Variants in SPAG9 observed in about 807,000 individuals in gnomAD.
SPAG9 encodes the protein C-Jun-amino-terminal kinase-interacting protein 4.
Under a neutral mutation model 166.5 loss-of-function variants are expected in SPAG9, and 35 were observed. The observed-to-expected ratio is 0.21, with a 90% confidence interval of 0.16 to 0.28. The LOEUF (loss-of-function observed/expected upper bound fraction) is 0.28. Among genes scored for constraint, SPAG9 ranks in the 10% least tolerant of loss-of-function variants. The probability of loss-of-function intolerance (pLI) is 1.00; values close to 1 mark genes in which losing one functional copy is unlikely to be tolerated. For missense variants in SPAG9, 1,235 were observed against 1,603.3 expected (o/e 0.77, Z 3.92); for synonymous variants, 534 against 565.5 (o/e 0.94, Z 0.79).
At chr17:51,079,027 CTGAGATCTAAAT>C (rs2048091732) in intron 2 of SPAG9, among the ~76,000 whole-genome samples, 1 of 152,096 alleles carries the variant, frequency 6.6e-6, no homozygotes, top group South Asian at 2.1e-4. Flanking sequence ...CAAACAAAGG[CTGAGATCTAAAT>C]TGAAGTGAGT....
rs1423005866 is a variant in SPAG9, at chr17:50,970,864, A to G, written c.3701-8T>C. The G allele has an allele frequency of 6.2e-7, 1 of 1,611,824 alleles. No homozygotes were observed. The highest frequency in any genetic ancestry group is 2.2e-5 in the East Asian group (1 of 44,868). ...GTGGGCTGATGACTTGACCTGTTTT[A>G]TACAGAAACAAAAGTGAATATTACT... On this transcript the variant is annotated splice_region_variant and splice_polypyrimidine_tract_variant and intron_variant, in intron 28 of 29. Coordinates refer to ENST00000262013, the MANE Select transcript of SPAG9 (RefSeq NM_001130528.3).
chr17:50,992,279 A>G (rs1331777339), intron 19 of SPAG9, among the ~76,000 whole-genome samples: 1 of 152,130 alleles, frequency 6.6e-6, no homozygotes, highest in African/African-American at 2.4e-5. Context: ...GGAATCATAT[A>G]ATATTTGTCC....
intron 2 of SPAG9, among the ~76,000 whole-genome samples, chr17:51,057,160 C>G (rs951715194): frequency 6.6e-6 from 1 of 152,068 alleles, no homozygotes; most frequent in African/African-American, 2.4e-5. Context: ...GTACTCAAGA[C>G]AGATGGTAAT....
intron 9 of SPAG9, among the ~76,000 whole-genome samples, chr17:51,012,261 T>C (rs1304122592): frequency 6.6e-6 from 1 of 152,086 alleles, no homozygotes; most frequent in Non-Finnish European, 1.5e-5. Context: ...AATATAAAAA[T>C]GGAGTATTCC....
intron 1 of SPAG9, among the ~76,000 whole-genome samples, chr17:51,114,451 G>A (rs1215163834): frequency 6.6e-6 from 1 of 152,046 alleles, no homozygotes; most frequent in South Asian, 2.1e-4. Context: ...CTAACATGGT[G>A]AAACCCCATC....
chr17:51,007,166 G>T, intron 10 of SPAG9, 103 bp downstream of exon 10: 1 of 599,222 alleles, frequency 1.7e-6, no homozygotes, highest in Non-Finnish European at 2.9e-6. Context: ...GAACGAGATG[G>T]GACAGGGAGA....
Position 50,979,650 on chromosome 17 carries a change from G to A in SPAG9, c.3409+96C>T, listed in dbSNP as rs1333081840. On this transcript the variant is annotated intron_variant, in intron 26 of 29. Coordinates refer to ENST00000262013, the MANE Select transcript of SPAG9 (RefSeq NM_001130528.3). ...GTGCATAGCCACTGCACTCCATCCT[G>A]GGCAACAAAGCAAGACCTCATTTCA... is the stretch of plus-strand genomic sequence containing the variant. 15 of 1,228,956 alleles carry A rather than the reference G, an allele frequency of 1.2e-5. No individual in the cohort carries two copies. In the Admixed American group the frequency reaches 1.5e-4, roughly 12 times the overall value. 76.1% of individuals were successfully genotyped at this position (1,228,956 alleles called of 1,614,324 possible).
Position 50,964,249 on chromosome 17 carries a change from T to C in SPAG9, c.*2023A>G, listed in dbSNP as rs1973248504. The C allele has an allele frequency of 6.6e-6, 1 of 152,236 alleles. No homozygotes were observed. The highest frequency in any genetic ancestry group is 2.1e-4 in the South Asian group (1 of 4,834). The allele number at this position is 152,236 out of a possible 1,614,324, so 9.4% of individuals were successfully genotyped here. A position where few individuals can be genotyped will look rare whatever the true frequency, so the allele number is the denominator to read the frequency against. Reference sequence around the variant, plus strand: ...AGTCCTTCTGATGATTGGGGGCCTTTATCCCATAGGTTTATACTGTTAAAA... The same window carrying C: ...AGTCCTTCTGATGATTGGGGGCCTTCATCCCATAGGTTTATACTGTTAAAA... On this transcript the variant is annotated 3_prime_UTR_variant, in exon 30 of 30. Coordinates refer to ENST00000262013, the MANE Select transcript of SPAG9 (RefSeq NM_001130528.3).
At position 51,120,827 on chromosome 17, in the gene SPAG9, G is replaced by T; in HGVS notation, c.-171C>A. 2.2e-6 allele frequency: 1 copy of T among 446,494 alleles called. No individual in the cohort carries two copies. Among genetic ancestry groups the T allele is most frequent in the Non-Finnish European group, 3.8e-6 (1 of 263,644 alleles). The allele number at this position is 446,494 out of a possible 1,614,324, so 27.7% of individuals were successfully genotyped here. A position where few individuals can be genotyped will look rare whatever the true frequency, so the allele number is the denominator to read the frequency against. ...GCCGGGGCCGGAGGAGGGGAGGGGT[G>T]GCGTAGGCGCTCTCACCCCAACCGC... is the stretch of plus-strand genomic sequence containing the variant. On this transcript the variant is annotated 5_prime_UTR_variant, in exon 1 of 30. Coordinates refer to ENST00000262013, the MANE Select transcript of SPAG9 (RefSeq NM_001130528.3). The surrounding 1 kb of genome is among the most constrained non-coding windows in gnomAD (Gnocchi z 4.7).
intron 1 of SPAG9, among the ~76,000 whole-genome samples, chr17:51,097,667 C>T (rs2048684305): frequency 6.6e-6 from 1 of 152,068 alleles, no homozygotes; most frequent in South Asian, 2.1e-4. Context: ...GTCTTGGGGA[C>T]TGAGACCTCA....
At chr17:51,052,641 A>T (rs2047212886) in intron 3 of SPAG9, among the ~76,000 whole-genome samples, 1 of 152,194 alleles carries the variant, frequency 6.6e-6, no homozygotes, top group Non-Finnish European at 1.5e-5. Flanking sequence ...ATAGACAAAA[A>T]AAAAAAAGTA....
intron 1 of SPAG9, among the ~76,000 whole-genome samples, chr17:51,099,230 T>C (rs150882351): frequency 0.012 from 1,830 of 151,558 alleles, 35 homozygotes; most frequent in African/African-American, 0.042. Flanking sequence ...GGTCAGCAGT[T>C]TGAGACCAGC....
intron 3 of SPAG9, among the ~76,000 whole-genome samples, chr17:51,049,711 T>C (rs1349617249): frequency 6.6e-6 from 1 of 152,000 alleles, no homozygotes; most frequent in Non-Finnish European, 1.5e-5. Context: ...ATTCAAGCGA[T>C]TCTGCCTCCC....
intron 1 of SPAG9, among the ~76,000 whole-genome samples, chr17:51,096,058 T>C (rs1598174240): frequency 6.9e-6 from 1 of 144,998 alleles, no homozygotes; most frequent in East Asian, 2.0e-4. Context: ...TATAGTGATA[T>C]ATATATATAT....
Position 51,081,357 on chromosome 17 carries a change from A to C in SPAG9, c.304-1653T>G, listed in dbSNP as rs2048158489. ...TCCCAGTTACTGAGGAGGCTGAGGC[A>C]GGAGAATCGCTTGAACCCAGGAGAC... On this transcript the variant is annotated intron_variant, in intron 1 of 29. Coordinates refer to ENST00000262013, the MANE Select transcript of SPAG9 (RefSeq NM_001130528.3). 2.6e-5 allele frequency among the ~76,000 whole-genome samples: 4 copies of C among 152,232 alleles called. 1 individual carries two copies. In the South Asian group the frequency reaches 8.3e-4, roughly 32 times the overall value.
intron 2 of SPAG9, among the ~76,000 whole-genome samples, chr17:51,073,311 G>A (rs1449951156): frequency 6.6e-6 from 1 of 151,962 alleles, no homozygotes; most frequent in Middle Eastern, 3.4e-3. Context: ...CTGGGCAACA[G>A]AGCAAGACTC....
At chr17:50,989,156 T>C (rs534729602) in intron 21 of SPAG9, among the ~76,000 whole-genome samples, 2 of 152,344 alleles carry the variant, frequency 1.3e-5, no homozygotes, top group South Asian at 4.1e-4. Flanking sequence ...GAATATATGG[T>C]GGTGGTTCCA....
At chr17:51,090,904 T>TA (rs950297042) in intron 1 of SPAG9, among the ~76,000 whole-genome samples, 57 of 152,264 alleles carry the variant, frequency 3.7e-4, no homozygotes, top group African/African-American at 1.3e-3. Context: ...ATGAAACTTT[T>TA]AAAAATCACA....
chr17:51,014,202 TATG>T, intron 9 of SPAG9, 27 bp downstream of exon 9: 1 of 1,573,228 alleles, frequency 6.4e-7, no homozygotes, highest in East Asian at 2.3e-5. Context: ...TTAAAAACAG[TATG>T]ATATTTCTTC....
Sources: allele counts gnomAD v4.1 joint callset (sites outside exome capture counted in the v4.1 genomes callset), GRCh38; gene constraint gnomAD v4.1.1; non-coding constraint Gnocchi (gnomAD v3.1); transcripts MANE v1.5; gene names NCBI Gene and HGNC (gene_info 2026-07-23, HGNC 2026-07-21).